Variants in ITSN1 observed in about 807,000 individuals in gnomAD.
ITSN1 encodes intersectin-1.
A neutral mutation model predicts 239.8 loss-of-function variants in ITSN1; 58 were observed. The observed-to-expected ratio is 0.24, with a 90% CI of 0.20 to 0.30. The LOEUF (loss-of-function observed/expected upper bound fraction) is 0.30. Ranked by LOEUF, ITSN1 falls within the 10% of genes least tolerant of loss-of-function variation. ITSN1 has a pLI of 1.00. For missense variants in ITSN1, 1,558 were observed against 2,103.3 expected, an observed-to-expected ratio of 0.74 and a Z score of 5.07; for synonymous variants, 780 against 770.8, an observed-to-expected ratio of 1.01 and a Z score of -0.20.
chr21:33,756,474 C>G (rs1209434282), intron 8 of ITSN1, among the ~76,000 whole-genome samples: 1 of 151,696 alleles, frequency 6.6e-6, no homozygotes, highest in Non-Finnish European at 1.5e-5. Flanking sequence ...GATTATAATC[C>G]AAAACACTTT....
Position 33,820,136 on chromosome 21 carries a change from T to TA in ITSN1, c.3016+826dup, listed in dbSNP as rs879562955. Among the ~76,000 whole-genome samples, 237 of 146,132 alleles carry TA rather than the reference T, an allele frequency of 1.6e-3. 2 individuals carry two copies. Among genetic ancestry groups the TA allele is most frequent in the Admixed American group, 4.0e-3 (58 of 14,626 alleles). On this transcript the variant is annotated intron_variant, in intron 24 of 39. Transcript: ENST00000381318. ...ACAATCAAACCAGACAATTTAGGAC[T>TA]AAAAAAAAAAAAATCATTTTGAGTA...
intron 11 of ITSN1, 42 bp downstream of exon 11, chr21:33,767,870 C>T (rs756809140): frequency 1.1e-5 from 12 of 1,099,810 alleles, no homozygotes; most frequent in South Asian, 2.7e-5. Context: ...TTAGATTAAA[C>T]GAAATTAGAG....
At chr21:33,670,613 T>C (rs2146369084) in intron 1 of ITSN1, among the ~76,000 whole-genome samples, 1 of 152,320 alleles carries the variant, frequency 6.6e-6, no homozygotes, top group Admixed American at 6.5e-5. Flanking sequence ...CATGCATGAA[T>C]CATTGCAGCC....
intron 29 of ITSN1, among the ~76,000 whole-genome samples, chr21:33,845,590 C>G (rs1270053276): frequency 6.6e-6 from 1 of 152,068 alleles, no homozygotes. Context: ...TCATTTATTC[C>G]TATTTGTGCT....
chr21:33,697,600 A>T (rs1050733935), intron 1 of ITSN1, among the ~76,000 whole-genome samples: 1 of 152,136 alleles, frequency 6.6e-6, no homozygotes, highest in South Asian at 2.1e-4. Context: ...TCTCATTATT[A>T]ATTTGGCTGT....
At chr21:33,793,422 T>C (rs139711179) in intron 16 of ITSN1, among the ~76,000 whole-genome samples, 69 of 152,322 alleles carry the variant, frequency 4.5e-4, no homozygotes, top group African/African-American at 1.5e-3. Context: ...CTGGGCACTT[T>C]GACTCATCTG....
chr21:33,645,280 C>T (rs886154417), intron 1 of ITSN1, among the ~76,000 whole-genome samples: 2 of 152,184 alleles, frequency 1.3e-5, no homozygotes, highest in African/African-American at 4.8e-5. Flanking sequence ...AATGGCTCCA[C>T]TTAACTGGTT....
intron 1 of ITSN1, among the ~76,000 whole-genome samples, chr21:33,653,058 A>T (rs542397663): frequency 2.4e-4 from 36 of 149,086 alleles, no homozygotes; most frequent in Non-Finnish European, 5.2e-4. Flanking sequence ...GCAGTGGCAC[A>T]GTCTTGGCTC....
At chr21:33,861,991 T>TAAAAAAAA (rs776558259) in intron 31 of ITSN1, among the ~76,000 whole-genome samples, 3 of 58,180 alleles carry the variant, frequency 5.2e-5, no homozygotes, top group East Asian at 6.1e-4. Flanking sequence ...TCATCTCTAC[T>TAAAAAAAA]AAAAAAAAAA....
chr21:33,653,714 G>A (rs966690733), intron 1 of ITSN1, among the ~76,000 whole-genome samples: 3 of 152,038 alleles, frequency 2.0e-5, no homozygotes, highest in Non-Finnish European at 4.4e-5. Context: ...AGTAGAGACG[G>A]GGTTTCACCG....
At chr21:33,684,709 A>G (rs747779226) in intron 1 of ITSN1, among the ~76,000 whole-genome samples, 16 of 152,120 alleles carry the variant, frequency 1.1e-4, no homozygotes, top group Non-Finnish European at 1.6e-4. Context: ...CTTATATGTC[A>G]TGTAATTCTT....
Position 33,875,526 on chromosome 21 carries a change from C to A in ITSN1, c.4341+5C>A. The A allele has an allele frequency of 6.2e-7, 1 of 1,612,498 alleles. No homozygotes were observed. The highest frequency in any genetic ancestry group is 8.5e-7 in the Non-Finnish European group (1 of 1,178,868). On this transcript the variant is annotated splice_donor_5th_base_variant and intron_variant, in intron 34 of 39. Coordinates refer to ENST00000381318, the MANE Select transcript of ITSN1 (RefSeq NM_003024.3). ...CAGTGTGAAGGCCTGTCTGAGGTAG[C>A]CAACCTTGGGGCTGGGCCCTGGTCT...
intron 18 of ITSN1, among the ~76,000 whole-genome samples, chr21:33,798,634 G>C (rs2071745634): frequency 6.6e-6 from 1 of 152,100 alleles, no homozygotes. Flanking sequence ...AGTTTTGCTT[G>C]GTCATCCATG....
At chr21:33,835,246 C>T (rs1303916170) in intron 28 of ITSN1, among the ~76,000 whole-genome samples, 1 of 152,138 alleles carries the variant, frequency 6.6e-6, no homozygotes, top group Non-Finnish European at 1.5e-5. Context: ...CCCACTGGGC[C>T]TCTTTGCTTG....
At chr21:33,690,619 G>C (rs550084308) in intron 1 of ITSN1, among the ~76,000 whole-genome samples, 101 of 148,154 alleles carry the variant, frequency 6.8e-4, no homozygotes, top group African/African-American at 2.4e-3. Context: ...AAATTAGCCA[G>C]GCATGGTGGT....
At chr21:33,681,694 G>A (rs573148078) in intron 1 of ITSN1, among the ~76,000 whole-genome samples, 190 of 148,616 alleles carry the variant, frequency 1.3e-3, no homozygotes, top group Middle Eastern at 3.5e-3. Context: ...TTTTTGAGAC[G>A]GAGTCTCGCT....
At chr21:33,664,590 T>A (rs1315117683) in intron 1 of ITSN1, among the ~76,000 whole-genome samples, 1 of 152,216 alleles carries the variant, frequency 6.6e-6, no homozygotes, top group Non-Finnish European at 1.5e-5. Flanking sequence ...TTACTAGCTG[T>A]GTAACCATAA....
At position 33,887,607 on chromosome 21, in the gene ITSN1, T is replaced by A. The variant is rs1156767335; in HGVS notation, c.5018-545T>A. Reference sequence around the variant, plus strand: ...AATTCTTTTTTCTTTTTATTTTTTTTATTTATTTATCTTTTTTCTTGTTGT... The same window carrying A: ...AATTCTTTTTTCTTTTTATTTTTTTAATTTATTTATCTTTTTTCTTGTTGT... On this transcript the variant is annotated intron_variant, in intron 39 of 39. Transcript: ENST00000381318. Among the ~76,000 whole-genome samples the A allele has an allele frequency of 4.0e-5, 6 of 151,860 alleles. No homozygotes were observed. In the East Asian group the frequency reaches 1.2e-3, roughly 29 times the overall value.
At chr21:33,690,371 A>G (rs1312964209) in intron 1 of ITSN1, among the ~76,000 whole-genome samples, 2 of 151,918 alleles carry the variant, frequency 1.3e-5, no homozygotes, top group Non-Finnish European at 2.9e-5. Context: ...AGGCTGAGGC[A>G]GGAGGATCAC....
Sources: gnomAD v4.1 joint callset for allele counts (sites outside exome capture counted in the v4.1 genomes callset) on GRCh38, gnomAD v4.1.1 for gene constraint, MANE v1.5 for transcripts, NCBI Gene and HGNC (gene_info 2026-07-23, HGNC 2026-07-21) for gene names.